POLA1: variants seen among roughly 807,000 people sequenced by gnomAD.
POLA1 encodes the protein DNA polymerase alpha catalytic subunit.
In POLA1, 15 loss-of-function variants were observed where a neutral mutation model predicts 124.0. The ratio of observed to expected loss-of-function variants is 0.12; its 90% CI spans 0.08 to 0.19. POLA1 has a LOEUF of 0.19. Among genes scored for constraint, POLA1 ranks in the 10% least tolerant of loss-of-function variants. The pLI is 1.00. For synonymous variants in POLA1, 408 were observed against 389.4 expected (o/e 1.05, Z -0.56); for missense variants, 886 against 1,103.4 (o/e 0.80, Z 2.79).
chrX:24,742,181 C>A, intron 22 of POLA1, 60 bp downstream of exon 22: 1 of 692,083 alleles, frequency 1.4e-6, no homozygotes, highest in South Asian at 2.5e-5. Flanking sequence ...CTTTTAATAC[C>A]TAGATAGCCT....
At chrX:24,903,028 A>C (rs1385911132) in intron 35 of POLA1, among the ~76,000 whole-genome samples, 1 of 112,467 alleles carries the variant, frequency 8.9e-6, no homozygotes, top group Non-Finnish European at 1.9e-5. Context: ...GTTGCAACAA[A>C]CACCAGATGT....
intron 32 of POLA1, among the ~76,000 whole-genome samples, chrX:24,829,833 T>C (rs1305805589): frequency 8.9e-6 from 1 of 111,839 alleles, no homozygotes; most frequent in Non-Finnish European, 1.9e-5. Flanking sequence ...AGGCATAAAA[T>C]TACTGTAATT....
chrX:24,947,791 G>T (rs1178620644), intron 36 of POLA1, among the ~76,000 whole-genome samples: 1 of 112,239 alleles, frequency 8.9e-6, no homozygotes. Context: ...CGTATTAATG[G>T]CAATGTAGGT....
intron 20 of POLA1, among the ~76,000 whole-genome samples, chrX:24,740,381 T>A (rs1225978164): frequency 9.0e-6 from 1 of 111,336 alleles, no homozygotes; most frequent in Non-Finnish European, 1.9e-5. Flanking sequence ...GGACCCATCC[T>A]ATCCAAGCTG....
At chrX:24,807,846 A>G (rs2045826612) in intron 26 of POLA1, among the ~76,000 whole-genome samples, 1 of 111,925 alleles carries the variant, frequency 8.9e-6, no homozygotes, top group African/African-American at 3.3e-5. Flanking sequence ...TGATAGGAAA[A>G]GGACTGGGGA....
At chrX:24,874,398 C>G (rs946114406) in intron 34 of POLA1, among the ~76,000 whole-genome samples, 2 of 111,803 alleles carry the variant, frequency 1.8e-5, no homozygotes, top group Non-Finnish European at 3.8e-5. Flanking sequence ...TCTTGTAATA[C>G]AATTAAGTCA....
At chrX:24,906,459 A>G (rs1035307720) in intron 35 of POLA1, among the ~76,000 whole-genome samples, 3 of 108,660 alleles carry the variant, frequency 2.8e-5, no homozygotes, top group Non-Finnish European at 5.7e-5. Flanking sequence ...TCCCACTTAT[A>G]AGGGGGAGCT....
intron 35 of POLA1, among the ~76,000 whole-genome samples, chrX:24,895,414 G>A (rs1305177007): frequency 1.8e-5 from 2 of 111,928 alleles, no homozygotes; most frequent in Admixed American, 9.5e-5. Context: ...GCCATCAAAG[G>A]GTACAAGATG....
At chrX:24,981,779 G>A (rs764287103) in intron 36 of POLA1, among the ~76,000 whole-genome samples, 5 of 112,036 alleles carry the variant, frequency 4.5e-5, no homozygotes, top group East Asian at 2.8e-4. Context: ...TAAATAAAAC[G>A]GGGAAGACAT....
chrX:24,817,177 G>T (rs1167849368), intron 30 of POLA1, among the ~76,000 whole-genome samples: 1 of 111,833 alleles, frequency 8.9e-6, no homozygotes, highest in Non-Finnish European at 1.9e-5. Flanking sequence ...AGTAAGCATT[G>T]AAAGAATTCA....
chrX:24,798,111 A>G (rs1433337233), intron 26 of POLA1, among the ~76,000 whole-genome samples: 1 of 111,411 alleles, frequency 9.0e-6, no homozygotes, highest in African/African-American at 3.3e-5. Flanking sequence ...TGAGTAGCCA[A>G]ACCTCATATA....
chrX:24,969,227 G>A (rs188223193), intron 36 of POLA1, among the ~76,000 whole-genome samples: 183 of 109,811 alleles, frequency 1.7e-3, no homozygotes, highest in Middle Eastern at 4.7e-3. Flanking sequence ...AAAAGAATCT[G>A]TAATCTAATG....
chrX:24,869,829 A>G (rs1256214959), intron 34 of POLA1, among the ~76,000 whole-genome samples: 1 of 111,144 alleles, frequency 9.0e-6, no homozygotes, highest in Non-Finnish European at 1.9e-5. Flanking sequence ...CTGCACTTAA[A>G]GTCATGCCTA....
At chrX:24,870,263 C>T (rs755704698) in intron 34 of POLA1, among the ~76,000 whole-genome samples, 2 of 111,872 alleles carry the variant, frequency 1.8e-5, no homozygotes, top group South Asian at 7.6e-4. Flanking sequence ...ATGTAAAATG[C>T]CCCAGGTATG....
rs375074897 is a variant in POLA1, at chrX:24,843,532, C to T, written c.3916-14C>T. 27 of 1,158,176 alleles carry T rather than the reference C, an allele frequency of 2.3e-5. No homozygotes were observed. Among genetic ancestry groups the T allele is most frequent in the Non-Finnish European group, 2.9e-5 (25 of 869,169 alleles). On this transcript the variant is annotated splice_polypyrimidine_tract_variant and intron_variant, in intron 33 of 36. Coordinates refer to ENST00000379068, the MANE Select transcript of POLA1 (RefSeq NM_001330360.2). ...TCACAGTAATTTTTTGTATACTTCT[C>T]CTGACTTATGTAGGGAACAGATATG... is the stretch of plus-strand genomic sequence containing the variant.
At chrX:24,838,561 A>T (rs1242409351) in intron 32 of POLA1, among the ~76,000 whole-genome samples, 3 of 112,566 alleles carry the variant, frequency 2.7e-5, no homozygotes. Context: ...TTGTTCCTTT[A>T]AGCCAGTTCA....
chrX:24,802,631 T>G (rs1163823880), intron 26 of POLA1, among the ~76,000 whole-genome samples: 1 of 111,989 alleles, frequency 8.9e-6, no homozygotes, highest in Non-Finnish European at 1.9e-5. Context: ...GACATGGGAA[T>G]GCAGAAAAGG....
At chrX:24,983,709 C>T (rs536725981) in intron 36 of POLA1, among the ~76,000 whole-genome samples, 49 of 111,674 alleles carry the variant, frequency 4.4e-4, no homozygotes, top group African/African-American at 1.5e-3. Context: ...CTAAAGCTTG[C>T]AAAAAAAGGC....
intron 36 of POLA1, among the ~76,000 whole-genome samples, chrX:24,977,424 A>G (rs1165621240): frequency 8.9e-6 from 1 of 111,933 alleles, no homozygotes; most frequent in Non-Finnish European, 1.9e-5. Flanking sequence ...CTAATCCTTT[A>G]TATATTTGAC....
Sources: gnomAD v4.1 joint callset for allele counts (sites outside exome capture counted in the v4.1 genomes callset) on GRCh38, gnomAD v4.1.1 for gene constraint, MANE v1.5 for transcripts, NCBI Gene and HGNC (gene_info 2026-07-23, HGNC 2026-07-21) for gene names.